The following CCDC171 variants were observed in gnomAD, a reference collection of about 807,000 sequenced individuals.
CCDC171 encodes coiled-coil domain containing 171.
Under a neutral mutation model 168.2 loss-of-function variants are expected in CCDC171, and 177 were observed. The ratio of observed to expected loss-of-function variants is 1.05; its 90% CI spans 0.93 to 1.19. The LOEUF is 1.19. Among genes scored for constraint, CCDC171 ranks in the 50% most tolerant of loss-of-function variants. The pLI, the probability that CCDC171 is intolerant of heterozygous loss-of-function variation, is 0.00. For missense variants in CCDC171, 1,991 were observed against 1,539.0 expected, an observed-to-expected ratio of 1.29 and a Z score of -4.91; for synonymous variants, 687 against 540.8, an observed-to-expected ratio of 1.27 and a Z score of -3.75.
intron 6 of CCDC171, among the ~76,000 whole-genome samples, chr9:15,599,224 A>G (rs1168880591): frequency 2.0e-5 from 3 of 152,080 alleles, no homozygotes; most frequent in Non-Finnish European, 4.4e-5. Context: ...TCATTAGTTG[A>G]TGCAGTTTCT....
At chr9:15,574,355 G>C (rs1262710894) in intron 3 of CCDC171, among the ~76,000 whole-genome samples, 1 of 151,724 alleles carries the variant, frequency 6.6e-6, no homozygotes, top group African/African-American at 2.4e-5. Context: ...ATCTTGGCCA[G>C]GCTGGTCTCG....
intron 10 of CCDC171, among the ~76,000 whole-genome samples, chr9:15,690,427 C>T (rs1008020311): frequency 3.3e-5 from 5 of 151,992 alleles, no homozygotes; most frequent in African/African-American, 9.7e-5. Context: ...TATGCCAAAT[C>T]AATGTTTAGA....
At chr9:15,770,164 TTTTATCAC>T (rs2056938685) in intron 18 of CCDC171, among the ~76,000 whole-genome samples, 1 of 152,200 alleles carries the variant, frequency 6.6e-6, no homozygotes, top group Non-Finnish European at 1.5e-5. Context: ...AAATCAGGAC[TTTTATCAC>T]TTTTAAATAT....
chr9:15,907,280 A>G (rs1822819130), intron 24 of CCDC171, among the ~76,000 whole-genome samples: 1 of 152,234 alleles, frequency 6.6e-6, no homozygotes, highest in African/African-American at 2.4e-5. Context: ...ACAGTAACCA[A>G]AACAGCATGG....
intron 25 of CCDC171, among the ~76,000 whole-genome samples, chr9:15,929,133 G>A (rs1287981525): frequency 6.6e-6 from 1 of 151,512 alleles, no homozygotes; most frequent in Non-Finnish European, 1.5e-5. Flanking sequence ...CTATTCCACA[G>A]TGATGAAGTT....
intron 6 of CCDC171, among the ~76,000 whole-genome samples, chr9:15,620,212 A>G (rs1443757074): frequency 6.6e-6 from 1 of 152,220 alleles, no homozygotes; most frequent in Non-Finnish European, 1.5e-5. Flanking sequence ...AATACATTTC[A>G]TAAGGCTATA....
At chr9:15,572,584 A>G (rs1587051261) in intron 3 of CCDC171, among the ~76,000 whole-genome samples, 1 of 152,340 alleles carries the variant, frequency 6.6e-6, no homozygotes, top group East Asian at 1.9e-4. Context: ...ATTGACAGTT[A>G]AGTGTAAACA....
intron 25 of CCDC171, among the ~76,000 whole-genome samples, chr9:15,943,363 A>G (rs955528757): frequency 3.3e-5 from 5 of 152,036 alleles, no homozygotes; most frequent in African/African-American, 1.2e-4. Flanking sequence ...TACATTAGAC[A>G]GGATGATAAG....
At chr9:15,879,233 A>G (rs757068169) in intron 24 of CCDC171, among the ~76,000 whole-genome samples, 2 of 152,162 alleles carry the variant, frequency 1.3e-5, no homozygotes, top group Non-Finnish European at 2.9e-5. Flanking sequence ...ACATGCACAT[A>G]TTATTTATAT....
intron 23 of CCDC171, among the ~76,000 whole-genome samples, chr9:15,867,942 A>G (rs1353726249): frequency 6.6e-6 from 1 of 152,090 alleles, no homozygotes; most frequent in Non-Finnish European, 1.5e-5. Context: ...ATCATGTTAT[A>G]TAGTGACTTT....
intron 25 of CCDC171, among the ~76,000 whole-genome samples, chr9:15,930,202 C>A (rs1483406761): frequency 6.6e-6 from 1 of 151,482 alleles, no homozygotes; most frequent in African/African-American, 2.4e-5. Context: ...GTTATTGGAC[C>A]TATACTTTGC....
chr9:16,027,652 G>A (rs1833299678), intron 6 of CCDC171, among the ~76,000 whole-genome samples: 1 of 152,160 alleles, frequency 6.6e-6, no homozygotes, highest in Non-Finnish European at 1.5e-5. Context: ...GGGCCCACTC[G>A]CCAAGCCTGG....
At chr9:16,054,586 C>T (rs1323427194) in intron 1 of CCDC171, among the ~76,000 whole-genome samples, 1 of 152,180 alleles carries the variant, frequency 6.6e-6, no homozygotes, top group Non-Finnish European at 1.5e-5. Context: ...TGACAGGCCT[C>T]CTACCTGTCT....
chr9:15,731,479 T>C (rs1163118687), intron 16 of CCDC171, among the ~76,000 whole-genome samples: 1 of 152,156 alleles, frequency 6.6e-6, no homozygotes, highest in Non-Finnish European at 1.5e-5. Context: ...TTGACTAATT[T>C]CACTCAATAT....
At chr9:15,635,409 A>G (rs2046124564) in intron 7 of CCDC171, among the ~76,000 whole-genome samples, 1 of 152,206 alleles carries the variant, frequency 6.6e-6, no homozygotes, top group South Asian at 2.1e-4. Context: ...TGTAAGTCCA[A>G]GAGTCTAAAA....
At chr9:15,848,586 T>G (rs2060998912) in intron 22 of CCDC171, among the ~76,000 whole-genome samples, 1 of 151,888 alleles carries the variant, frequency 6.6e-6, no homozygotes, top group Non-Finnish European at 1.5e-5. Flanking sequence ...TAATTGTGAT[T>G]TTTTTCTTTG....
intron 18 of CCDC171, among the ~76,000 whole-genome samples, chr9:15,771,034 A>T (rs144992664): frequency 4.7e-4 from 72 of 152,308 alleles, no homozygotes; most frequent in African/African-American, 1.6e-3. Flanking sequence ...ATAAATCTAT[A>T]TCATTAATTG....
intron 6 of CCDC171, among the ~76,000 whole-genome samples, chr9:16,024,290 A>G (rs1042858315): frequency 6.6e-6 from 1 of 152,220 alleles, no homozygotes; most frequent in Non-Finnish European, 1.5e-5. Flanking sequence ...ATAGGAAACT[A>G]ATACAATACC....
At chr9:15,723,294 C>G (rs937577739) in intron 12 of CCDC171, among the ~76,000 whole-genome samples, 1 of 152,180 alleles carries the variant, frequency 6.6e-6, no homozygotes, top group African/African-American at 2.4e-5. Context: ...GAACAGTCTT[C>G]TGCTCTGTTC....
Sources: gnomAD v4.1 joint callset for allele counts (sites outside exome capture counted in the v4.1 genomes callset) on GRCh38, gnomAD v4.1.1 for gene constraint, MANE v1.5 for transcripts, NCBI Gene and HGNC (gene_info 2026-07-23, HGNC 2026-07-21) for gene names.